Variants in SLITRK4 observed in about 807,000 individuals in gnomAD.
The protein encoded by SLITRK4 is SLIT and NTRK-like protein 4.
In SLITRK4, 7 loss-of-function variants were observed where a neutral mutation model predicts 34.7. That is an observed-to-expected ratio of 0.20 (90% CI 0.11 to 0.38). The LOEUF (loss-of-function observed/expected upper bound fraction) is 0.38. Ranked by LOEUF, SLITRK4 falls within the 10% of genes least tolerant of loss-of-function variation. The pLI, the probability that SLITRK4 is intolerant of heterozygous loss-of-function variation, is 1.00. For missense variants in SLITRK4, 474 were observed against 607.0 expected (o/e 0.78, Z 2.30); for synonymous variants, 237 against 246.2 (o/e 0.96, Z 0.35).
chrX:143,632,577 T>C (rs1239340294), intron 1 of SLITRK4, among the ~76,000 whole-genome samples: 1 of 111,722 alleles, frequency 9.0e-6, no homozygotes, highest in African/African-American at 3.3e-5. Flanking sequence ...AAGAAAGAAG[T>C]GTCGCACAGA....
intron 1 of SLITRK4, chrX:143,634,541 G>GT (rs1461868148): frequency 1.0e-5 from 1 of 100,065 alleles, no homozygotes; most frequent in African/African-American, 3.9e-5. Context: ...GGGTATGGTG[G>GT]GGGGGGGGGC....
chrX:143,628,091 CTTTTTTTTTTTTTTTTT>C lies in SLITRK4; in HGVS notation c.*487_*503del, dbSNP rs782497461. 12 of 73,084 alleles carry C rather than the reference CTTTTTTTTTTTTTTTTT, an allele frequency of 1.6e-4. No individual in the cohort carries two copies. Among genetic ancestry groups the C allele is most frequent in the African/African-American group, 4.3e-4 (2 of 4,611 alleles). The allele number at this position is 73,084 out of a possible 1,213,427, so 6.0% of individuals were successfully genotyped here. A position where few individuals can be genotyped will look rare whatever the true frequency, so the allele number is the denominator to read the frequency against. ...CTATCGAGTGTTCTCTCTTTGCATG[CTTTTTTTTTTTTTTTTT>C]TTTTTTTTTTTTTTTTTTTACTTTT... On this transcript the variant is annotated 3_prime_UTR_variant, in exon 2 of 2. Transcript: ENST00000356928.
chrX:143,633,862 T>C (rs1931133970), intron 1 of SLITRK4, among the ~76,000 whole-genome samples: 1 of 112,626 alleles, frequency 8.9e-6, no homozygotes, highest in African/African-American at 3.2e-5. Context: ...CGCATCCCTG[T>C]TCCCGGAGCC....
In SLITRK4 at chrX:143,628,853, G is replaced by C; in HGVS notation, c.2256C>G (p.Ser752Arg). The change falls in exon 2 of 2, where the codon AGC (serine) becomes AGG (arginine). Residue 752 changes from serine to arginine, a missense_variant. Physicochemically the swap from Ser to Arg is moderately radical, Grantham distance 110 (BLOSUM62 -1). Transcript: ENST00000356928. ...TCTGAATAAACACATTGGAATCCCT[G>C]CTAGGGAATAATTCATCCAGCTCAT... The part of the protein sequence containing the change: ...TIDELDELFP[S>R]RDSNVFIQNF... 2 of 1,209,988 alleles carry C rather than the reference G, an allele frequency of 1.7e-6. No homozygotes were observed. The highest frequency in any genetic ancestry group is 2.2e-6 in the Non-Finnish European group (2 of 894,050).
In SLITRK4 at chrX:143,627,884, T is replaced by C. The variant is rs185509841; in HGVS notation, c.*711A>G. 6.7e-6 allele frequency: 1 copy of C among 148,675 alleles called. No homozygotes were observed. Among genetic ancestry groups the C allele is most frequent in the Admixed American group, 8.7e-5 (1 of 11,449 alleles). The allele number at this position is 148,675 out of a possible 1,213,427, so 12.3% of individuals were successfully genotyped here. A position where few individuals can be genotyped will look rare whatever the true frequency, so the allele number is the denominator to read the frequency against. On this transcript the variant is annotated 3_prime_UTR_variant, in exon 2 of 2. Transcript: ENST00000356928. Reference sequence around the variant, plus strand: ...TTTCTTCAGATCATCACAAATGCTATCTAACTCACGTTGATTTTTTCTTTT... The same window carrying C: ...TTTCTTCAGATCATCACAAATGCTACCTAACTCACGTTGATTTTTTCTTTT...
rs1409382024 is a variant in SLITRK4 at position 143,633,360 on chromosome X, C to T, written c.-50-2202G>A. 3.6e-5 allele frequency among the ~76,000 whole-genome samples: 4 copies of T among 110,794 alleles called. No homozygotes were observed. In the Admixed American group the frequency reaches 3.8e-4, roughly 11 times the overall value. On this transcript the variant is annotated intron_variant, in intron 1 of 1. Transcript: ENST00000356928. ...GGGTAAAGGGAGCACTGAATGTATG[C>T]GAATAAAGCCTCACACTCCGGTGGT...
rs1931219291 is a variant in SLITRK4, at chrX:143,635,753, C to T, written c.-69G>A. On this transcript the variant is annotated 5_prime_UTR_variant, in exon 1 of 2. Coordinates refer to ENST00000356928, the MANE Select transcript of SLITRK4 (RefSeq NM_001184749.3). ...ACGGTACCTTTGGCTAATTGTCACC[C>T]CGCAGAACGGAGGGCTCCTGGAATA... The T allele has an allele frequency of 9.1e-6, 1 of 110,342 alleles. No individual in the cohort carries two copies. The highest frequency in any genetic ancestry group is 1.9e-5 in the Non-Finnish European group (1 of 52,806). The allele number at this position is 110,342 out of a possible 1,213,427, so 9.1% of individuals were successfully genotyped here.
Position 143,628,773 on chromosome X carries a change from A to G in SLITRK4, c.2336T>C (p.Ile779Thr), listed in dbSNP as rs1397557163. Reference sequence around the variant, plus strand: ...GTCTGGTTGTTTTTCTGGATAGCGGATCTCAAAGCCACTGACACCTATGCT... The same window carrying G: ...GTCTGGTTGTTTTTCTGGATAGCGGGTCTCAAAGCCACTGACACCTATGCT... ...YNSIGVSGFEIRYPEKQPDKK... is the reference protein window; with the variant it reads ...YNSIGVSGFETRYPEKQPDKK... The change falls in exon 2 of 2, where the codon ATC (isoleucine) becomes ACC (threonine). Residue 779 changes from isoleucine to threonine, a missense_variant. Physicochemically the swap from Ile to Thr is moderately conservative, Grantham distance 89. This residue lies in a region of SLITRK4 where 345 missense variants were observed against 406.5 expected (regional missense o/e 0.85). Transcript: ENST00000356928. 8.3e-7 allele frequency: 1 copy of G among 1,209,266 alleles called. No individual in the cohort carries two copies.
chrX:143,634,546 G>C (rs936943003), intron 1 of SLITRK4: 1 of 108,703 alleles, frequency 9.2e-6, no homozygotes, highest in South Asian at 4.1e-4. Context: ...TGGTGGGGGG[G>C]GGGGCGGGCA....
In SLITRK4 at chrX:143,625,367, T is replaced by A. The variant is rs1930752576; in HGVS notation, c.*3228A>T. On this transcript the variant is annotated 3_prime_UTR_variant, in exon 2 of 2. Coordinates refer to ENST00000356928, the MANE Select transcript of SLITRK4 (RefSeq NM_001184749.3). ...TACACAAAGTCTTACTTTTAAAGAA[T>A]TGAATCATCTTTATTGATTTCATAA... is the stretch of plus-strand genomic sequence containing the variant. The A allele has an allele frequency of 9.0e-6, 1 of 111,689 alleles. No individual in the cohort carries two copies. The highest frequency in any genetic ancestry group is 1.9e-5 in the Non-Finnish European group (1 of 52,844). The allele number at this position is 111,689 out of a possible 1,213,427, so 9.2% of individuals were successfully genotyped here. A position where few individuals can be genotyped will look rare whatever the true frequency, so the allele number is the denominator to read the frequency against.
chrX:143,634,577 A>C (rs1357255803), intron 1 of SLITRK4: 2 of 107,680 alleles, frequency 1.9e-5, no homozygotes, highest in Non-Finnish European at 3.8e-5. Flanking sequence ...GGACACCCGG[A>C]TCCTTTCCGG....
At position 143,627,246 on chromosome X, in the gene SLITRK4, T is replaced by C. The variant is rs1359570730; in HGVS notation, c.*1349A>G. 5 of 109,373 alleles carry C rather than the reference T, an allele frequency of 4.6e-5. No individual in the cohort carries two copies. Among genetic ancestry groups the C allele is most frequent in the Non-Finnish European group, 9.5e-5 (5 of 52,543 alleles). 9.0% of individuals were successfully genotyped at this position (109,373 alleles called of 1,213,427 possible). On this transcript the variant is annotated 3_prime_UTR_variant, in exon 2 of 2. Coordinates refer to ENST00000356928, the MANE Select transcript of SLITRK4 (RefSeq NM_001184749.3). The stretch of plus-strand genomic sequence containing the variant: ...ACAGGATACTGATGCATACAAGATA[T>C]AACTATTAACCTTATTCATTATTTT...
In SLITRK4 at chrX:143,630,571, A is replaced by G. The variant is rs974916871; in HGVS notation, c.538T>C (p.Leu180=). Residue 180 remains leucine (L), a synonymous_variant, in exon 2 of 2, where the codon TTG becomes CTG. Transcript: ENST00000356928. ...TTCCCTCGTATATCCAGATGGGTCA[A>G]AGATGCGAATCGGAAAATATTATCA... ...LPDNIFRFAS[L]THLDIRGNRI... 17 of 1,211,754 alleles carry G rather than the reference A, an allele frequency of 1.4e-5. No individual in the cohort carries two copies. The East Asian group carries it at 5.0e-4, about 36-fold the overall frequency.
Position 143,625,515 on chromosome X carries a change from T to C in SLITRK4, c.*3080A>G, listed in dbSNP as rs1352304627. The C allele has an allele frequency of 1.8e-5, 2 of 111,604 alleles. No homozygotes were observed. The highest frequency in any genetic ancestry group is 3.8e-5 in the Non-Finnish European group (2 of 52,858). The allele number at this position is 111,604 out of a possible 1,213,427, so 9.2% of individuals were successfully genotyped here. The stretch of plus-strand genomic sequence containing the variant: ...CTAACGTAGTCCATACCCATGACTA[T>C]AGTGCCAAGAAGCCCATGATGTGTC... On this transcript the variant is annotated 3_prime_UTR_variant, in exon 2 of 2. Coordinates refer to ENST00000356928, the MANE Select transcript of SLITRK4 (RefSeq NM_001184749.3).
rs782740433 is a variant in SLITRK4, at chrX:143,629,179, G to C, written c.1930C>G (p.Arg644Gly). The change falls in exon 2 of 2, where the codon CGA becomes GGA. Residue 644 changes from arginine (R) to glycine (G), a missense_variant. Around this residue, in one of 3 missense-constraint regions of SLITRK4, gnomAD observed 345 missense variants for 406.5 expected, o/e 0.85. Coordinates refer to ENST00000356928, the MANE Select transcript of SLITRK4 (RefSeq NM_001184749.3). Reference sequence around the variant, plus strand: ...TTCACTGTGGGTTTCTTGTTGCGTCGCAGGACAAAAACAAGAAGGCAAAAA... The same window carrying C: ...TTCACTGTGGGTTTCTTGTTGCGTCCCAGGACAAAAACAAGAAGGCAAAAA... ...VAFCLLVFVL[R>G]RNKKPTVKHE... 8.3e-7 allele frequency: 1 copy of C among 1,210,997 alleles called. No homozygotes were observed. Among genetic ancestry groups the C allele is most frequent in the Non-Finnish European group, 1.1e-6 (1 of 895,377 alleles).
rs782818105 is a variant in SLITRK4, at chrX:143,628,753, G to T, written c.2356C>A (p.Pro786Thr). 2 of 1,209,056 alleles carry T rather than the reference G, an allele frequency of 1.7e-6. No homozygotes were observed. The highest frequency in any genetic ancestry group is 2.2e-6 in the Non-Finnish European group (2 of 895,097). Residue 786 changes from proline (P) to threonine (T), a missense_variant, in exon 2 of 2, where the codon CCA becomes ACA. Physicochemically the swap from Pro to Thr is conservative, Grantham distance 38 (BLOSUM62 -1). This residue lies in a region of SLITRK4 where 345 missense variants were observed against 406.5 expected (regional missense o/e 0.85). Transcript: ENST00000356928. ...AGTGACTTCTTACTTTTTTTGTCTGGTTGTTTTTCTGGATAGCGGATCTCA... is the reference window on the plus strand; with the variant it reads ...AGTGACTTCTTACTTTTTTTGTCTGTTTGTTTTTCTGGATAGCGGATCTCA... ...GFEIRYPEKQPDKKSKKSLIG... is the reference protein window; with the variant it reads ...GFEIRYPEKQTDKKSKKSLIG...
rs1556426316 is a variant in SLITRK4, at chrX:143,629,138, C to T, written c.1971G>A (p.Gly657=). The change falls in exon 2 of 2, where the codon GGG becomes GGA. Residue 657 remains glycine (G), a synonymous_variant. Coordinates refer to ENST00000356928, the MANE Select transcript of SLITRK4 (RefSeq NM_001184749.3). ...GCTGCATGGAGCCACAGTCAGGATT[C>T]CCCAGGCCTTCGTGCTTCACTGTGG... The part of the protein sequence containing the change: ...KKPTVKHEGL[G]NPDCGSMQLQ... 1.7e-6 allele frequency: 2 copies of T among 1,210,095 alleles called. No individual in the cohort carries two copies. Among genetic ancestry groups the T allele is most frequent in the East Asian group, 3.0e-5 (1 of 33,763 alleles).
Position 143,630,211 on chromosome X carries a change from C to A in SLITRK4, c.898G>T (p.Val300Leu). 1 of 1,211,674 alleles carries A rather than the reference C, an allele frequency of 8.3e-7. No homozygotes were observed. The highest frequency in any genetic ancestry group is 1.1e-6 in the Non-Finnish European group (1 of 895,566). The change falls in exon 2 of 2, where the codon GTA (valine) becomes TTA (leucine). Residue 300 changes from valine (V) to leucine (L), a missense_variant. By Grantham distance (32) the Val-to-Leu change is conservative (BLOSUM62 1). Around this residue, in one of 3 missense-constraint regions of SLITRK4, gnomAD observed 345 missense variants for 406.5 expected, o/e 0.85. Transcript: ENST00000356928. ...HTTQTSLHRLVTKPPKTTNPS... is the reference protein window; with the variant it reads ...HTTQTSLHRLLTKPPKTTNPS... Reference sequence around the variant, plus strand: ...TTTGTTGTTTTTGGTGGTTTAGTTACTAATCTGTGTAAAGATGTTTGGGTA... The same window carrying A: ...TTTGTTGTTTTTGGTGGTTTAGTTAATAATCTGTGTAAAGATGTTTGGGTA...
rs1159459954 is a variant in SLITRK4, at chrX:143,624,147, A to G, written c.*4448T>C. 9.0e-6 allele frequency: 1 copy of G among 111,717 alleles called. No homozygotes were observed. The highest frequency in any genetic ancestry group is 1.9e-5 in the Non-Finnish European group (1 of 52,963). The allele number at this position is 111,717 out of a possible 1,213,427, so 9.2% of individuals were successfully genotyped here. On this transcript the variant is annotated 3_prime_UTR_variant, in exon 2 of 2. Coordinates refer to ENST00000356928, the MANE Select transcript of SLITRK4 (RefSeq NM_001184749.3). ...CCTTAAACCCACTGTATTGGTCAAT[A>G]TAGTCAGTTACATTCATTTCTGCCC...
Sources: allele counts gnomAD v4.1 joint callset (sites outside exome capture counted in the v4.1 genomes callset), GRCh38; gene constraint gnomAD v4.1.1; regional missense constraint gnomAD v4.1.1; transcripts MANE v1.5; gene names NCBI Gene and HGNC (gene_info 2026-07-23, HGNC 2026-07-21).